Variants in UBAC2 observed in about 807,000 individuals in gnomAD.
UBAC2 encodes ubiquitin-associated domain-containing protein 2.
A neutral mutation model predicts 44.0 loss-of-function variants in UBAC2; 26 were observed. The observed-to-expected ratio is 0.59, with a 90% CI of 0.43 to 0.82. UBAC2 has a LOEUF of 0.82. UBAC2 is among the 40% of genes least tolerant of loss of function. The pLI is 0.00. For missense variants in UBAC2, 329 were observed against 419.4 expected, an observed-to-expected ratio of 0.78 and a Z score of 1.88; for synonymous variants, 155 against 154.3, an observed-to-expected ratio of 1.00 and a Z score of -0.04.
intron 4 of UBAC2, among the ~76,000 whole-genome samples, chr13:99,246,537 G>C (rs879442718): frequency 9.9e-5 from 15 of 152,206 alleles, no homozygotes; most frequent in Non-Finnish European, 1.9e-4. Flanking sequence ...GAACTTTGGA[G>C]ATGGATAGTA....
intron 7 of UBAC2, among the ~76,000 whole-genome samples, chr13:99,346,378 A>G (rs1207380699): frequency 6.6e-6 from 1 of 151,592 alleles, no homozygotes; most frequent in Non-Finnish European, 1.5e-5. Context: ...TGCTTGTTTC[A>G]CTCCAGCTAT....
intron 1 of UBAC2, among the ~76,000 whole-genome samples, chr13:99,237,669 C>T (rs537189966): frequency 6.6e-6 from 1 of 152,178 alleles, no homozygotes; most frequent in East Asian, 1.9e-4. Context: ...AAGATAATTA[C>T]CCGGGCTGGG....
chr13:99,245,617 C>T (rs535285948), intron 4 of UBAC2, among the ~76,000 whole-genome samples: 47 of 152,228 alleles, frequency 3.1e-4, no homozygotes, highest in African/African-American at 7.9e-4. Context: ...CCGAGGTGGG[C>T]GGATCACGAG....
At chr13:99,238,653 C>T in intron 2 of UBAC2, 99 bp downstream of exon 2, 2 of 1,104,464 alleles carry the variant, frequency 1.8e-6, no homozygotes, top group East Asian at 2.7e-5. Context: ...CCTCAAAGCC[C>T]CCAATTTGTA....
At chr13:99,225,805 C>G (rs2043104113) in intron 1 of UBAC2, among the ~76,000 whole-genome samples, 1 of 152,172 alleles carries the variant, frequency 6.6e-6, no homozygotes, top group Admixed American at 6.5e-5. Flanking sequence ...TTCTAAAATG[C>G]ATTAGGTCCC....
rs146421615 is a variant in UBAC2 at position 99,337,762 on chromosome 13, G to A, written c.562-2558G>A. Among the ~76,000 whole-genome samples, 120 of 152,158 alleles carry A rather than the reference G, an allele frequency of 7.9e-4. 1 individual carries two copies. Among genetic ancestry groups the A allele is most frequent in the Admixed American group, 1.7e-3 (26 of 15,276 alleles). On this transcript the variant is annotated intron_variant, in intron 6 of 8. Transcript: ENST00000403766. ...CCCACATGGACCCTCCTTGGTTCAT[G>A]CCCTACACAGCTTTTCCCTTCTCTC...
intron 4 of UBAC2, chr13:99,258,341 G>C (rs1374934397): frequency 1.3e-5 from 2 of 152,248 alleles, no homozygotes; most frequent in African/African-American, 2.4e-5. Context: ...AACGCTTGGC[G>C]TCGGAGTTGG....
At chr13:99,330,502 G>A (rs1476268929) in intron 6 of UBAC2, among the ~76,000 whole-genome samples, 3 of 127,360 alleles carry the variant, frequency 2.4e-5, no homozygotes, top group South Asian at 2.6e-4. Flanking sequence ...TCTGTATTTC[G>A]TTCTTGTGTC....
chr13:99,201,280 G>T (rs757994968), intron 1 of UBAC2: 15 of 1,450,192 alleles, frequency 1.0e-5, no homozygotes, highest in Non-Finnish European at 1.2e-5. Context: ...AGCGTGTGCC[G>T]CGCTGAAGGA....
chr13:99,278,455 T>A (rs1356267455), intron 4 of UBAC2, among the ~76,000 whole-genome samples: 1 of 152,092 alleles, frequency 6.6e-6, no homozygotes, highest in African/African-American at 2.4e-5. Flanking sequence ...TTAAGGGAAG[T>A]GGGTATTGTG....
At chr13:99,242,828 C>T (rs1233221343) in intron 2 of UBAC2, among the ~76,000 whole-genome samples, 6 of 146,120 alleles carry the variant, frequency 4.1e-5, no homozygotes, top group African/African-American at 1.5e-4. Context: ...CTCCTCACTT[C>T]TCAGACGGGG....
chr13:99,269,863 C>A (rs1009965930), intron 4 of UBAC2, among the ~76,000 whole-genome samples: 2 of 152,062 alleles, frequency 1.3e-5, no homozygotes, highest in Admixed American at 1.3e-4. Context: ...GCTTTAACTC[C>A]TCTAAAATAA....
chr13:99,356,171 C>T (rs1361810895), intron 7 of UBAC2: 4 of 534,606 alleles, frequency 7.5e-6, no homozygotes, highest in Non-Finnish European at 1.5e-5. Context: ...TGTTGGGTTG[C>T]ATCCTAAGCT....
intron 6 of UBAC2, among the ~76,000 whole-genome samples, chr13:99,318,493 G>A (rs1014817073): frequency 6.0e-5 from 9 of 151,170 alleles, no homozygotes; most frequent in Non-Finnish European, 1.2e-4. Flanking sequence ...CCCATGGCAG[G>A]TCTGGCTCAA....
rs1555321112 is a variant in UBAC2, at chr13:99,232,399, G to GATATATATATATATATATATATAT, written c.32-6023_32-6022insTATATATATATATATATATATATA. On this transcript the variant is annotated intron_variant, in intron 1 of 8. Transcript: ENST00000403766. Reference sequence around the variant, plus strand: ...AGACCCTGTCCATCCTTAGTTGAGAGATATAGATATATATATATATATTCA... The same window carrying GATATATATATATATATATATATAT: ...AGACCCTGTCCATCCTTAGTTGAGAGATATATATATATATATATATATATATATAGATATATATATATATATTCA... Among the ~76,000 whole-genome samples the GATATATATATATATATATATATAT allele has an allele frequency of 2.1e-3, 227 of 109,868 alleles. 11 individuals are homozygous for GATATATATATATATATATATATAT. Among genetic ancestry groups the GATATATATATATATATATATATAT allele is most frequent in the Non-Finnish European group, 2.9e-3 (136 of 47,220 alleles). 72.1% of individuals were successfully genotyped at this position (109,868 alleles called of 152,430 possible).
At chr13:99,274,445 C>T (rs563129623) in intron 4 of UBAC2, among the ~76,000 whole-genome samples, 1 of 151,946 alleles carries the variant, frequency 6.6e-6, no homozygotes, top group Non-Finnish European at 1.5e-5. Context: ...CTGCCTCAGC[C>T]TCCCCAGTAG....
chr13:99,203,412 C>A (rs1339258390), intron 1 of UBAC2, among the ~76,000 whole-genome samples: 1 of 152,240 alleles, frequency 6.6e-6, no homozygotes, highest in Non-Finnish European at 1.5e-5. Context: ...AAGGACGACA[C>A]GTGTACCTAG....
chr13:99,223,281 C>T (rs2043071253), intron 1 of UBAC2, among the ~76,000 whole-genome samples: 1 of 152,074 alleles, frequency 6.6e-6, no homozygotes. Flanking sequence ...TGTGCAACTT[C>T]TTACTATCCT....
intron 4 of UBAC2, among the ~76,000 whole-genome samples, chr13:99,301,599 C>T (rs1021241509): frequency 5.3e-5 from 8 of 151,728 alleles, no homozygotes; most frequent in Admixed American, 1.3e-4. Flanking sequence ...TTTGCATAAC[C>T]GGACATGTTG....
Sources: gnomAD v4.1 joint callset for allele counts (sites outside exome capture counted in the v4.1 genomes callset) on GRCh38, gnomAD v4.1.1 for gene constraint, MANE v1.5 for transcripts, NCBI Gene and HGNC (gene_info 2026-07-23, HGNC 2026-07-21) for gene names.